Variants in USP34 observed in about 807,000 individuals in gnomAD.
USP34 encodes the protein ubiquitin carboxyl-terminal hydrolase 34.
In USP34, 70 loss-of-function variants were observed where a neutral mutation model predicts 460.3. The ratio of observed to expected loss-of-function variants is 0.15; its 90% CI spans 0.13 to 0.19. The LOEUF is 0.19. Ranked by LOEUF, USP34 falls within the 10% of genes least tolerant of loss-of-function variation. USP34 has a pLI of 1.00. For synonymous variants in USP34, 1,647 were observed against 1,405.3 expected, an observed-to-expected ratio of 1.17 and a Z score of -3.85; for missense variants, 3,985 against 4,236.2, an observed-to-expected ratio of 0.94 and a Z score of 1.65.
intron 2 of USP34, among the ~76,000 whole-genome samples, chr2:61,414,277 A>T (rs1395140672): frequency 6.6e-6 from 1 of 151,786 alleles, no homozygotes; most frequent in Non-Finnish European, 1.5e-5. Context: ...TAACTTTAAA[A>T]AAAAAAAGAG....
At chr2:61,400,150 C>G (rs1393259008) in intron 3 of USP34, among the ~76,000 whole-genome samples, 4 of 150,452 alleles carry the variant, frequency 2.7e-5, no homozygotes. Context: ...CATTCTGTTG[C>G]CCAGGCTGGA....
At chr2:61,399,078 G>A (rs747072998) in intron 3 of USP34, among the ~76,000 whole-genome samples, 15 of 152,098 alleles carry the variant, frequency 9.9e-5, no homozygotes, top group East Asian at 1.9e-4. Context: ...CCTAACGGCC[G>A]GTGCAGTGGC....
intron 10 of USP34, among the ~76,000 whole-genome samples, chr2:61,358,193 AAAATAAAT>A (rs75593990): frequency 4.0e-5 from 6 of 148,656 alleles, no homozygotes; most frequent in South Asian, 2.2e-4. Context: ...GATTCCATCT[AAAATAAAT>A]AAATAAATAA....
chr2:61,291,598 A>G (rs1453645837), intron 33 of USP34, among the ~76,000 whole-genome samples: 1 of 152,222 alleles, frequency 6.6e-6, no homozygotes, highest in African/African-American at 2.4e-5. Context: ...GTGTGCATAT[A>G]TATGTGTACA....
At chr2:61,264,050 C>A (rs568262714) in intron 43 of USP34, among the ~76,000 whole-genome samples, 2 of 152,122 alleles carry the variant, frequency 1.3e-5, no homozygotes, top group African/African-American at 4.8e-5. Context: ...AAGAAAACCA[C>A]TGAAAACATG....
At chr2:61,369,976 GCCTA>G (rs1216189409) in intron 10 of USP34, among the ~76,000 whole-genome samples, 1 of 116,738 alleles carries the variant, frequency 8.6e-6, no homozygotes, top group East Asian at 2.4e-4. Context: ...GTGGATATAT[GCCTA>G]TTTAAAAAAA....
chr2:61,405,838 T>G lies in USP34; in HGVS notation c.422A>C (p.Lys141Thr). The G allele has an allele frequency of 6.2e-7, 1 of 1,613,910 alleles. No individual in the cohort carries two copies. The highest frequency in any genetic ancestry group is 1.1e-5 in the South Asian group (1 of 91,054). The stretch of plus-strand genomic sequence containing the variant: ...CCATAAACTAAAAGGATCAGAACTC[T>G]TTGAAGATTCCTCCTCAGTCAGATT... ...ICNLTEEESS[K>T]SSDPFSLWST... The change falls in exon 3 of 80, where the codon AAG (lysine) becomes ACG (threonine). Residue 141 changes from lysine to threonine, a missense_variant. Lys to Thr is a moderately conservative substitution (Grantham distance 78, BLOSUM62 -1). Around this residue, in one of 14 missense-constraint regions of USP34, gnomAD observed 331 missense variants for 293.7 expected, o/e 1.13. Transcript: ENST00000398571.
At chr2:61,438,630 A>C (rs574144291) in intron 1 of USP34, among the ~76,000 whole-genome samples, 98 of 152,216 alleles carry the variant, frequency 6.4e-4, no homozygotes, top group African/African-American at 2.3e-3. Flanking sequence ...AAACAAAAAA[A>C]AAACACTCTC....
intron 6 of USP34, among the ~76,000 whole-genome samples, chr2:61,381,327 T>C (rs959584173): frequency 4.0e-5 from 6 of 151,598 alleles, no homozygotes; most frequent in African/African-American, 9.7e-5. Context: ...AAATGATAAA[T>C]GGCTGTTGTT....
In USP34 at chr2:61,227,055, G is replaced by A. The variant is rs1381437402; in HGVS notation, c.7595+12C>T. On this transcript the variant is annotated intron_variant, in intron 62 of 79. Transcript: ENST00000398571. The stretch of plus-strand genomic sequence containing the variant: ...AACATGCTTTAAACATTTTAAATTC[G>A]AAACATTTCACCTTTCTGATCGAGA... The A allele has an allele frequency of 3.2e-6, 5 of 1,574,170 alleles. No homozygotes were observed. The highest frequency in any genetic ancestry group is 2.4e-5 in the South Asian group (2 of 83,770).
chr2:61,272,583 C>G (rs1233301075), intron 41 of USP34, among the ~76,000 whole-genome samples: 4 of 152,068 alleles, frequency 2.6e-5, no homozygotes, highest in Non-Finnish European at 4.4e-5. Context: ...TAACTGGATC[C>G]CTTGACTCAT....
chr2:61,225,520 T>C lies in USP34; in HGVS notation c.7595+1547A>G, dbSNP rs1044961402. ...CATTTATATGATACCAAAGTTAAAT[T>C]TGTCAAAAATCCATTCCTGTCCCCT... On this transcript the variant is annotated intron_variant, in intron 62 of 79. Coordinates refer to ENST00000398571, the MANE Select transcript of USP34 (RefSeq NM_014709.4). 2.6e-5 allele frequency among the ~76,000 whole-genome samples: 4 copies of C among 152,194 alleles called. No homozygotes were observed. In the East Asian group the frequency reaches 5.8e-4, roughly 22 times the overall value.
chr2:61,257,579 G>C (rs916702858), intron 44 of USP34, among the ~76,000 whole-genome samples: 2 of 152,056 alleles, frequency 1.3e-5, no homozygotes, highest in African/African-American at 4.8e-5. Flanking sequence ...TCAAGTCAAG[G>C]AATTTCTAGG....
chr2:61,372,869 C>A (rs1476425527), intron 8 of USP34, among the ~76,000 whole-genome samples: 1 of 151,982 alleles, frequency 6.6e-6, no homozygotes, highest in Non-Finnish European at 1.5e-5. Context: ...ATACCCCAAA[C>A]TTCCCAAAGT....
chr2:61,222,911 G>T, intron 64 of USP34, 149 bp downstream of exon 64: 1 of 736,046 alleles, frequency 1.4e-6, no homozygotes, highest in Non-Finnish European at 2.2e-6. Flanking sequence ...TGCCTAGGCT[G>T]GTCTCAAACT....
intron 18 of USP34, among the ~76,000 whole-genome samples, chr2:61,338,045 G>A (rs1311201890): frequency 1.3e-5 from 2 of 152,172 alleles, no homozygotes; most frequent in Non-Finnish European, 2.9e-5. Context: ...ATACCGGCCA[G>A]GCACAGTGAC....
intron 34 of USP34, among the ~76,000 whole-genome samples, chr2:61,287,060 A>G (rs765215974): frequency 1.4e-4 from 22 of 152,234 alleles, no homozygotes; most frequent in Non-Finnish European, 2.8e-4. Context: ...AACACAGTAC[A>G]TTGCAGAATA....
chr2:61,461,837 T>C (rs1479145444), intron 1 of USP34, among the ~76,000 whole-genome samples: 2 of 152,126 alleles, frequency 1.3e-5, no homozygotes, highest in Admixed American at 6.6e-5. Flanking sequence ...GAACCAGGGA[T>C]GTAGATAAAA....
At chr2:61,401,829 A>G (rs1215119485) in intron 3 of USP34, among the ~76,000 whole-genome samples, 1 of 148,972 alleles carries the variant, frequency 6.7e-6, no homozygotes, top group African/African-American at 2.5e-5. Flanking sequence ...AAGTGCTGGG[A>G]TTACAGGCAT....
Sources: gnomAD v4.1 joint callset for allele counts (sites outside exome capture counted in the v4.1 genomes callset) on GRCh38, gnomAD v4.1.1 for gene constraint, gnomAD v4.1.1 regional missense constraint, MANE v1.5 for transcripts, NCBI Gene and HGNC (gene_info 2026-07-23, HGNC 2026-07-21) for gene names.